RTBDN: variants seen among roughly 807,000 people sequenced by gnomAD.
The protein encoded by RTBDN is retbindin.
Under a neutral mutation model 21.9 loss-of-function variants are expected in RTBDN, and 24 were observed. The observed-to-expected ratio is 1.10, with a 90% CI of 0.79 to 1.54. The LOEUF (loss-of-function observed/expected upper bound fraction) is 1.54. RTBDN is among the 40% of genes most tolerant of loss of function. RTBDN has a pLI of 0.00. For synonymous variants in RTBDN, 141 were observed against 125.9 expected, an observed-to-expected ratio of 1.12 and a Z score of -0.80; for missense variants, 325 against 315.2, an observed-to-expected ratio of 1.03 and a Z score of -0.23.
rs1274955070 is a variant in RTBDN at position 12,834,282 on chromosome 19, G to A, written c.-19+207C>T. Among the ~76,000 whole-genome samples the A allele has an allele frequency of 1.3e-5, 2 of 152,172 alleles. No individual in the cohort carries two copies. The highest frequency in any genetic ancestry group is 4.8e-5 in the African/African-American group (2 of 41,452). On this transcript the variant is annotated intron_variant, in intron 1 of 5. Coordinates refer to ENST00000674343, the MANE Select transcript of RTBDN (RefSeq NM_001270441.2). This position sits in a 1 kb window ranked among gnomAD's most constrained non-coding sequence, Gnocchi z 4.7. ...GAGGGGCGCCTGGCCCGCCCTAGGG[G>A]GATGGGGCTGGGGCCGAAGTCATCG...
Position 12,829,670 on chromosome 19 carries a change from C to T in RTBDN, c.169+141G>A, listed in dbSNP as rs980980420. On this transcript the variant is annotated intron_variant, in intron 2 of 5. Coordinates refer to ENST00000674343, the MANE Select transcript of RTBDN (RefSeq NM_001270441.2). ...TGAACCCAGGCAGTCTAATTCTTAT[C>T]CACCATTCTTCAGCACTATCCGTGC... The T allele has an allele frequency of 5.0e-6, 4 of 792,244 alleles. No homozygotes were observed. In the African/African-American group the frequency reaches 5.2e-5, roughly 10 times the overall value. The allele number at this position is 792,244 out of a possible 1,614,324, so 49.1% of individuals were successfully genotyped here. A position where few individuals can be genotyped will look rare whatever the true frequency, so the allele number is the denominator to read the frequency against.
At position 12,830,948 on chromosome 19, in the gene RTBDN, T is replaced by G. The variant is rs1599561826; in HGVS notation, c.-18-951A>C. Among the ~76,000 whole-genome samples the G allele has an allele frequency of 6.6e-6, 1 of 151,336 alleles. No individual in the cohort carries two copies. The highest frequency in any genetic ancestry group is 1.9e-4 in the East Asian group (1 of 5,136). ...TGTCTTTTGTTTGTGTGGCTGTGTG[T>G]GTGTTGAGCATGTATGTGTGTTTTT... On this transcript the variant is annotated intron_variant, in intron 1 of 5. Transcript: ENST00000674343. The surrounding 1 kb of genome is among the most constrained non-coding windows in gnomAD (Gnocchi z 4.2).
intron 5 of RTBDN, 46 bp downstream of exon 5, chr19:12,826,729 G>T: frequency 9.0e-7 from 1 of 1,110,108 alleles, no homozygotes; most frequent in Non-Finnish European, 1.3e-6. Flanking sequence ...ATAACTTGGT[G>T]GGGAGGATCT....
At chr19:12,826,169 G>A in intron 5 of RTBDN, 1 of 1,379,716 alleles carries the variant, frequency 7.2e-7, no homozygotes, top group African/African-American at 1.5e-5. Flanking sequence ...CGCGCAGAGA[G>A]GTCTGTATCA....
Position 12,828,911 on chromosome 19 carries a change from C to T in RTBDN, c.212G>A (p.Gly71Asp), listed in dbSNP as rs755699287. 3.1e-6 allele frequency: 5 copies of T among 1,614,174 alleles called. No homozygotes were observed. In the South Asian group the frequency reaches 5.5e-5, roughly 18 times the overall value. The change falls in exon 3 of 6, where the codon GGC (glycine) becomes GAC (aspartate). Residue 71 changes from glycine (G) to aspartate (D), a missense_variant. Gly to Asp is a moderately conservative substitution (Grantham distance 94). Coordinates refer to ENST00000674343, the MANE Select transcript of RTBDN (RefSeq NM_001270441.2). ...PSEMDTTETS[G>D]PGNHPERCGV... ...ACAGCGTTCTGGATGGTTTCCAGGG[C>T]CCGATGTCTCTGTTGTGTCCATCTC... is the stretch of plus-strand genomic sequence containing the variant.
At chr19:12,827,337 T>G (rs1969350349) in intron 4 of RTBDN, among the ~76,000 whole-genome samples, 1 of 150,778 alleles carries the variant, frequency 6.6e-6, no homozygotes, top group Non-Finnish European at 1.5e-5. Flanking sequence ...TTTTTTTTTT[T>G]TTTGAGATGG....
Position 12,830,689 on chromosome 19 carries a change from G to T in RTBDN, c.-18-692C>A, listed in dbSNP as rs984864253. On this transcript the variant is annotated intron_variant, in intron 1 of 5. Coordinates refer to ENST00000674343, the MANE Select transcript of RTBDN (RefSeq NM_001270441.2). The surrounding 1 kb of genome is among the most constrained non-coding windows in gnomAD (Gnocchi z 4.2). ...CAGGAAACTGGCTGCTGAAAGGGGC[G>T]TGGCTTAATGCAGGGGCGGGACCTC... 9.2e-5 allele frequency: 91 copies of T among 985,594 alleles called. No homozygotes were observed. In the African/African-American group the frequency reaches 1.3e-3, roughly 14 times the overall value. The allele number at this position is 985,594 out of a possible 1,614,324, so 61.1% of individuals were successfully genotyped here. A position where few individuals can be genotyped will look rare whatever the true frequency, so the allele number is the denominator to read the frequency against.
chr19:12,834,881 G>T (rs777595074), upstream of RTBDN: 7 of 1,610,238 alleles, frequency 4.3e-6, no homozygotes, highest in South Asian at 7.7e-5. This position sits in a 1 kb window ranked among gnomAD's most constrained non-coding sequence, Gnocchi z 4.7. Context: ...GGGTTAATAC[G>T]GAGGTCCGGT....
chr19:12,826,953 C>T (rs1969331265), intron 4 of RTBDN, 82 bp from the exon 5 acceptor site: 1 of 945,362 alleles, frequency 1.1e-6, no homozygotes, highest in Non-Finnish European at 1.7e-6. Context: ...ACTGTGTTCA[C>T]TATATGCCCC....
chr19:12,825,687 A>G lies in RTBDN; in HGVS notation c.*19T>C, dbSNP rs1458525706. 7 of 1,550,380 alleles carry G rather than the reference A, an allele frequency of 4.5e-6. No individual in the cohort carries two copies. Among genetic ancestry groups the G allele is most frequent in the Admixed American group, 2.0e-5 (1 of 51,046 alleles). On this transcript the variant is annotated 3_prime_UTR_variant, in exon 6 of 6. Coordinates refer to ENST00000674343, the MANE Select transcript of RTBDN (RefSeq NM_001270441.2). ...GGCTGGGGGAAGGGTCGCTCCCCCA[A>G]CTCAGGGCCACGCGTCCGCTAGGGG...
At chr19:12,834,594 C>G (rs1051415524), upstream of RTBDN, 15 of 1,516,360 alleles carry the variant, frequency 9.9e-6, no homozygotes, top group Admixed American at 2.4e-4. The surrounding 1 kb of genome is among the most constrained non-coding windows in gnomAD (Gnocchi z 4.7). Flanking sequence ...GCCCCCCCAC[C>G]GCGATCCTCA....
rs1025647012 is a variant in RTBDN at position 12,834,355 on chromosome 19, A to G, written c.-19+134T>C. ...GGGTGAGGGGGCGCAGAGCAAAGTT[A>G]TTGCCCTAGGGCTCATGCCCCTCGG... On this transcript the variant is annotated intron_variant, in intron 1 of 5. Coordinates refer to ENST00000674343, the MANE Select transcript of RTBDN (RefSeq NM_001270441.2). This position sits in a 1 kb window ranked among gnomAD's most constrained non-coding sequence, Gnocchi z 4.7. 4.6e-6 allele frequency: 3 copies of G among 656,006 alleles called. No individual in the cohort carries two copies. Among genetic ancestry groups the G allele is most frequent in the Non-Finnish European group, 7.8e-6 (3 of 382,772 alleles). The allele number at this position is 656,006 out of a possible 1,614,324, so 40.6% of individuals were successfully genotyped here.
Position 12,826,471 on chromosome 19 carries a change from A to T in RTBDN, c.462+304T>A, listed in dbSNP as rs1244388965. 7.0e-6 allele frequency: 8 copies of T among 1,139,644 alleles called. No homozygotes were observed. In the South Asian group the frequency reaches 1.1e-4, roughly 16 times the overall value. 70.6% of individuals were successfully genotyped at this position (1,139,644 alleles called of 1,614,324 possible). On this transcript the variant is annotated intron_variant, in intron 5 of 5. Coordinates refer to ENST00000674343, the MANE Select transcript of RTBDN (RefSeq NM_001270441.2). Reference sequence around the variant, plus strand: ...CACTTTGGGAGGCCGAGGTGGGCGGATCACCTGAGGTCAGGAGTTCGAAAC... The same window carrying T: ...CACTTTGGGAGGCCGAGGTGGGCGGTTCACCTGAGGTCAGGAGTTCGAAAC...
upstream of RTBDN, chr19:12,835,094 T>C: frequency 6.2e-7 from 1 of 1,612,944 alleles, no homozygotes. Context: ...TAGGGCTTCG[T>C]CCATTTCTAG....
In RTBDN at chr19:12,828,753, A is replaced by G; in HGVS notation, c.269T>C (p.Leu90Pro). The G allele has an allele frequency of 6.2e-7, 1 of 1,614,232 alleles. No homozygotes were observed. Among genetic ancestry groups the G allele is most frequent in the East Asian group, 2.2e-5 (1 of 44,882 alleles). Residue 90 changes from leucine to proline, a missense_variant, in exon 4 of 6, where the codon CTG (leucine) becomes CCG (proline). Transcript: ENST00000674343. ...GVPSPECESF[L>P]EHLQRALRSR... ...GCGAAGGGCACGTTGGAGGTGTTCCAGGAAGGATTCGCATCTGGACGTTGG... is the reference window on the plus strand; with the variant it reads ...GCGAAGGGCACGTTGGAGGTGTTCCGGGAAGGATTCGCATCTGGACGTTGG...
chr19:12,832,646 T>C (rs1475810789), intron 1 of RTBDN: 2 of 152,218 alleles, frequency 1.3e-5, no homozygotes, highest in African/African-American at 4.8e-5. Flanking sequence ...GTCCGGGCCA[T>C]GGACGGAGAG....
chr19:12,835,195 G>A (rs780325555), upstream of RTBDN: 19 of 1,208,088 alleles, frequency 1.6e-5, no homozygotes, highest in Non-Finnish European at 2.2e-5. Flanking sequence ...CTGCAGGAAG[G>A]ACCTTCCAGG....
At chr19:12,826,162 G>A in intron 5 of RTBDN, 1 of 1,376,164 alleles carries the variant, frequency 7.3e-7, no homozygotes, top group Non-Finnish European at 9.4e-7. Context: ...TGGGGGGCGC[G>A]CAGAGAGGTC....
At chr19:12,833,404 G>C (rs73925217) in intron 1 of RTBDN, among the ~76,000 whole-genome samples, 2,586 of 151,986 alleles carry the variant, frequency 0.017, 74 homozygotes, top group African/African-American at 0.059. Context: ...TGCCTCTTTC[G>C]TGGGGAGGGG....
Sources: allele counts gnomAD v4.1 joint callset (sites outside exome capture counted in the v4.1 genomes callset), GRCh38; gene constraint gnomAD v4.1.1; non-coding constraint Gnocchi (gnomAD v3.1); transcripts MANE v1.5; gene names NCBI Gene and HGNC (gene_info 2026-07-23, HGNC 2026-07-21).